PLEC: variants seen among roughly 807,000 people sequenced by gnomAD.
The protein encoded by PLEC is hemidesmosomal protein 1.
In PLEC, 216 loss-of-function variants were observed where a neutral mutation model predicts 392.8. That is an observed-to-expected ratio of 0.55 (90% confidence interval 0.49 to 0.62). PLEC has a LOEUF of 0.62. Among genes scored for constraint, PLEC ranks in the 20% least tolerant of loss-of-function variants. The pLI, the probability that PLEC is intolerant of heterozygous loss-of-function variation, is 0.00. For missense variants in PLEC, 6,863 were observed against 6,563.4 expected (o/e 1.05, Z -1.58); for synonymous variants, 3,621 against 2,980.6 (o/e 1.21, Z -7.00).
chr8:143,942,785 A>T (rs758787428), upstream of PLEC, among the ~76,000 whole-genome samples: 18 of 152,122 alleles, frequency 1.2e-4, no homozygotes, highest in Non-Finnish European at 2.4e-4. Context: ...GCGGCATGGG[A>T]GGGGGCCTCC....
At chr8:143,939,643 G>T, upstream of PLEC, 2 of 1,422,082 alleles carry the variant, frequency 1.4e-6, no homozygotes, top group East Asian at 5.4e-5. Flanking sequence ...CGGCGAGGCC[G>T]GCCCGCCCCC....
Position 143,969,291 on chromosome 8 carries a change from G to A in PLEC, c.70+4112C>T, listed in dbSNP as rs1554743406. ...GGCCAATCCATAACCATTCCTGTCT[G>A]CCTGAGCCCCTCAGCCCCCCCATTC... On this transcript the variant is annotated intron_variant, in intron 1 of 31. Transcript: ENST00000356346. The surrounding 1 kb of genome is among the most constrained non-coding windows in gnomAD (Gnocchi z 5.1). 6.6e-6 allele frequency among the ~76,000 whole-genome samples: 1 copy of A among 152,238 alleles called. No homozygotes were observed. Among genetic ancestry groups the A allele is most frequent in the African/African-American group, 2.4e-5 (1 of 41,462 alleles).
chr8:143,919,090 G>A lies in PLEC; in HGVS notation c.10731C>T (p.Gly3577=), dbSNP rs782672000. The A allele has an allele frequency of 9.1e-5, 147 of 1,611,642 alleles. No homozygotes were observed. The highest frequency in any genetic ancestry group is 1.1e-4 in the Non-Finnish European group (130 of 1,179,994). The change falls in exon 32 of 32, where the codon GGC becomes GGT. Residue 3577 remains glycine, a synonymous_variant. Coordinates refer to ENST00000345136, the MANE Select transcript of PLEC (RefSeq NM_201384.3). ...FEETQIDIPG[G]GSHGGSTMSL... is the part of the protein sequence containing the mutation. ...ACATGGTGGAGCCGCCGTGGCTGCC[G>A]CCGCCGGGAATGTCGATCTGTGTCT...
chr8:143,933,958 G>A (rs376696421), intron 12 of PLEC, 40 bp downstream of exon 12: 33 of 1,538,376 alleles, frequency 2.1e-5, no homozygotes, highest in Admixed American at 8.8e-5. Context: ...AGGCTCCTCC[G>A]GCCTCCCTCC....
chr8:143,934,236 G>A, intron 11 of PLEC, 82 bp downstream of exon 11: 5 of 1,600,296 alleles, frequency 3.1e-6, no homozygotes, highest in East Asian at 2.2e-5. Context: ...CCCCGCCGGG[G>A]GCGGGGCGGG....
At position 143,916,374 on chromosome 8, in the gene PLEC, A is replaced by C. The variant is rs1586745460; in HGVS notation, c.13447T>G (p.Ser4483Ala). Residue 4483 changes from serine to alanine, a missense_variant, in exon 32 of 32, where the codon TCC becomes GCC. Transcript: ENST00000345136. ...GTGCGGGAGCCAGCGGTAGAGCCGG[A>C]GCCGCTGACGCTGTAGGGGCTGTAG... Reference protein sequence around the residue: ...GYYSPYSVSGSGSTAGSRTGS... With the variant: ...GYYSPYSVSGAGSTAGSRTGS... 3.1e-6 allele frequency: 5 copies of C among 1,610,268 alleles called. No homozygotes were observed. The African/African-American group carries it at 6.7e-5, about 21-fold the overall frequency.
At position 143,934,800 on chromosome 8, in the gene PLEC, G is replaced by A. The variant is rs1554721395; in HGVS notation, c.945+10C>T. 6.2e-7 allele frequency: 1 copy of A among 1,611,640 alleles called. No homozygotes were observed. ...CAGGCCCAGGACCCCGCCCCCCACG[G>A]CAGGCCCACCTCAATCTCCTCGAAG... On this transcript the variant is annotated intron_variant, in intron 9 of 31. Coordinates refer to ENST00000345136, the MANE Select transcript of PLEC (RefSeq NM_201384.3).
chr8:143,933,174 A>C, intron 13 of PLEC, 23 bp downstream of exon 13: 7 of 1,101,842 alleles, frequency 6.4e-6, no homozygotes, highest in Non-Finnish European at 9.0e-6. Flanking sequence ...CCTGGGCTTC[A>C]GGGAGGGCAG....
chr8:143,943,699 G>A (rs1830919061), upstream of PLEC: 1 of 1,316,586 alleles, frequency 7.6e-7, no homozygotes, highest in Non-Finnish European at 1.1e-6. Flanking sequence ...GGAAGGGGAG[G>A]GCGCAGGGAA....
chr8:143,932,058 G>T (rs782013460), intron 17 of PLEC, 26 bp from the exon 18 acceptor site: 1 of 1,538,272 alleles, frequency 6.5e-7, no homozygotes, highest in South Asian at 1.2e-5. Context: ...TCCCGGTCAG[G>T]CCCCGCCCCG....
At chr8:143,951,998 C>T (rs1437113891), upstream of PLEC, among the ~76,000 whole-genome samples, 5 of 152,202 alleles carry the variant, frequency 3.3e-5, no homozygotes, top group Non-Finnish European at 7.3e-5. Context: ...CAAGCCGACA[C>T]ACCCCTTCCC....
chr8:143,923,317 C>G lies in PLEC; in HGVS notation c.6612G>C (p.Leu2204=). The change falls in exon 31 of 32, where the codon CTG becomes CTC. Residue 2204 remains leucine (L), a synonymous_variant. Coordinates refer to ENST00000345136, the MANE Select transcript of PLEC (RefSeq NM_201384.3). ...QLEETDHQKN[L]LDEELQRLKA... is the part of the protein sequence containing the mutation. Reference sequence around the variant, plus strand: ...TCAGCCGCTGCAGCTCCTCGTCCAGCAGGTTCTTCTGGTGGTCGGTCTCCT... The same window carrying G: ...TCAGCCGCTGCAGCTCCTCGTCCAGGAGGTTCTTCTGGTGGTCGGTCTCCT... The G allele has an allele frequency of 6.2e-7, 1 of 1,609,900 alleles. No individual in the cohort carries two copies. The highest frequency in any genetic ancestry group is 8.5e-7 in the Non-Finnish European group (1 of 1,179,598).
At chr8:143,944,712 G>T in intron 1 of PLEC, 1 of 1,296,196 alleles carries the variant, frequency 7.7e-7, no homozygotes, top group Non-Finnish European at 9.8e-7. Flanking sequence ...GGCCAGGGGT[G>T]TGGGAGGTCA....
At chr8:143,944,051 A>T, upstream of PLEC, 2 of 1,050,948 alleles carry the variant, frequency 1.9e-6, no homozygotes. Context: ...GCAGCCCCAC[A>T]ACAGCTCCCG....
intron 1 of PLEC, among the ~76,000 whole-genome samples, chr8:143,963,680 G>A (rs1349268638): frequency 6.6e-6 from 1 of 151,978 alleles, no homozygotes; most frequent in African/African-American, 2.4e-5. Flanking sequence ...CTGATTAAAT[G>A]TTGTTCTTGT....
In PLEC at chr8:143,921,237, G is replaced by A. The variant is rs781795243; in HGVS notation, c.8584C>T (p.Leu2862Phe). 1.7e-5 allele frequency: 27 copies of A among 1,614,148 alleles called. No individual in the cohort carries two copies. The highest frequency in any genetic ancestry group is 4.5e-5 in the East Asian group (2 of 44,878). ...GFFDPNTHEN[L>F]TYLQLLERCV... ...CGCTCCAGTAGCTGCAGGTACGTGA[G>A]GTTCTCGTGCGTGTTGGGGTCAAAG... The change falls in exon 32 of 32, where the codon CTC (leucine) becomes TTC (phenylalanine). Residue 2862 changes from leucine to phenylalanine, a missense_variant. Transcript: ENST00000345136.
rs1261148089 is a variant in PLEC at position 143,918,525 on chromosome 8, G to A, written c.11296C>T (p.Arg3766Trp). ...GGGTCACGGTAGCCGGTGACCGCCC[G>A]CTCAGCCGAGAGCAGGCGGTCGTGC... ...ELHDRLLSAE[R>W]AVTGYRDPYT... is the part of the protein sequence containing the mutation. The change falls in exon 32 of 32, where the codon CGG becomes TGG. Residue 3766 changes from arginine (R) to tryptophan (W), a missense_variant. Physicochemically the swap from Arg to Trp is moderately radical, Grantham distance 101. Transcript: ENST00000345136. 5.6e-6 allele frequency: 9 copies of A among 1,608,220 alleles called. No individual in the cohort carries two copies. Among genetic ancestry groups the A allele is most frequent in the African/African-American group, 1.3e-5 (1 of 74,790 alleles).
chr8:143,940,358 TC>T (rs1444818289), upstream of PLEC, among the ~76,000 whole-genome samples: 7 of 152,236 alleles, frequency 4.6e-5, no homozygotes, highest in East Asian at 1.4e-3. Flanking sequence ...AGGAGGGGCC[TC>T]GCCAGTGAGT....
At chr8:143,948,240 A>C (rs1831725187) in intron 1 of PLEC, among the ~76,000 whole-genome samples, 1 of 152,202 alleles carries the variant, frequency 6.6e-6, no homozygotes, top group East Asian at 1.9e-4. Flanking sequence ...GGGGCAGCCC[A>C]TCCAACAGGG....
Sources: allele counts gnomAD v4.1 joint callset (sites outside exome capture counted in the v4.1 genomes callset), GRCh38; gene constraint gnomAD v4.1.1; non-coding constraint Gnocchi (gnomAD v3.1); transcripts MANE v1.5; gene names NCBI Gene and HGNC (gene_info 2026-07-23, HGNC 2026-07-21).